SLC26A11: variants seen among roughly 807,000 people sequenced by gnomAD.
The protein encoded by SLC26A11 is sodium-independent sulfate anion transporter.
SLC26A11 carries 58 observed loss-of-function variants against 62.2 expected under a neutral mutation model. The ratio of observed to expected loss-of-function variants is 0.93; its 90% CI spans 0.76 to 1.16. SLC26A11 has a LOEUF of 1.16. Among genes scored for constraint, SLC26A11 ranks in the 50% most tolerant of loss-of-function variants. The probability of loss-of-function intolerance (pLI) is 0.00; values close to 1 mark genes in which losing one functional copy is unlikely to be tolerated. For missense variants in SLC26A11, 790 were observed against 794.3 expected (o/e 0.99, Z 0.06); for synonymous variants, 411 against 368.9 (o/e 1.11, Z -1.31).
intron 7 of SLC26A11, among the ~76,000 whole-genome samples, chr17:80,234,115 C>T (rs912388573): frequency 3.9e-5 from 6 of 152,162 alleles, no homozygotes; most frequent in African/African-American, 1.4e-4. Flanking sequence ...AGTGATTCTC[C>T]TGTCTCAGCC....
Position 80,237,595 on chromosome 17 carries a change from G to A in SLC26A11, c.985+1G>A. On this transcript the variant is annotated splice_donor_variant, in intron 9 of 17. Coordinates refer to ENST00000361193, the MANE Select transcript of SLC26A11 (RefSeq NM_001166347.2). LOFTEE classifies it high-confidence loss of function. ...AGCATTGCGGTGGCCAAAGCCTTCG[G>A]TAAGACGCCTGTCACCCACACCCCA... is the stretch of plus-strand genomic sequence containing the variant. The A allele has an allele frequency of 6.2e-7, 1 of 1,610,420 alleles. No homozygotes were observed. The highest frequency in any genetic ancestry group is 8.5e-7 in the Non-Finnish European group (1 of 1,178,558).
chr17:80,249,339 C>T (rs753681488), intron 16 of SLC26A11, 52 bp downstream of exon 16: 2 of 1,594,176 alleles, frequency 1.3e-6, no homozygotes, highest in Non-Finnish European at 8.5e-7. Context: ...GAAGGCCTTC[C>T]TGTGCCTGCC....
At position 80,228,199 on chromosome 17, in the gene SLC26A11, A is replaced by G. The variant is rs138918180; in HGVS notation, c.736+239A>G. ...CCAGGCTGGAGTACAGTGGTGTGAT[A>G]TTGGCTCACTGCAACCTCCGCCTCC... On this transcript the variant is annotated intron_variant, in intron 7 of 17. Transcript: ENST00000361193. This position sits in a 1 kb window ranked among gnomAD's most constrained non-coding sequence, Gnocchi z 4.1. Among the ~76,000 whole-genome samples, 71 of 152,146 alleles carry G rather than the reference A, an allele frequency of 4.7e-4. 1 individual carries two copies. In the South Asian group the frequency reaches 0.014, roughly 30 times the overall value.
rs552705781 is a variant in SLC26A11, at chr17:80,228,601, G to A, written c.736+641G>A. The stretch of plus-strand genomic sequence containing the variant: ...ACATTTTTGGTGGATACCACCGGGC[G>A]AGGCAGTTGCTGGCAACTAGCGAGG... On this transcript the variant is annotated intron_variant, in intron 7 of 17. Transcript: ENST00000361193. This position sits in a 1 kb window ranked among gnomAD's most constrained non-coding sequence, Gnocchi z 4.1. Among the ~76,000 whole-genome samples the A allele has an allele frequency of 1.4e-4, 21 of 152,358 alleles. No individual in the cohort carries two copies. The highest frequency in any genetic ancestry group is 3.4e-3 in the Middle Eastern group (1 of 294).
At chr17:80,224,315 G>T (rs1044297502) in intron 5 of SLC26A11, among the ~76,000 whole-genome samples, 2 of 107,370 alleles carry the variant, frequency 1.9e-5, no homozygotes, top group Non-Finnish European at 3.7e-5. Flanking sequence ...GTGTGAGAGA[G>T]TGTGAGTGTG....
chr17:80,246,622 A>T lies in SLC26A11; in HGVS notation c.1267A>T (p.Ile423Phe). 1 of 1,613,904 alleles carries T rather than the reference A, an allele frequency of 6.2e-7. No homozygotes were observed. The highest frequency in any genetic ancestry group is 8.5e-7 in the Non-Finnish European group (1 of 1,179,972). ...MAVAPLFDTK[I>F]FRTLWRVKRL... ...CGTGGCCCCGCTGTTCGACACCAAG[A>T]TCTTCAGGACGCTCTGGCGTGTTAA... The change falls in exon 13 of 18, where the codon ATC becomes TTC. Residue 423 changes from isoleucine (I) to phenylalanine (F), a missense_variant. Ile to Phe is a conservative substitution (Grantham distance 21). Coordinates refer to ENST00000361193, the MANE Select transcript of SLC26A11 (RefSeq NM_001166347.2). This position sits in a 1 kb window ranked among gnomAD's most constrained non-coding sequence, Gnocchi z 4.4.
At chr17:80,239,665 C>G (rs544250812) in intron 9 of SLC26A11, among the ~76,000 whole-genome samples, 1 of 152,238 alleles carries the variant, frequency 6.6e-6, no homozygotes, top group South Asian at 2.1e-4. Context: ...GCGTGAGCCA[C>G]TGTGCCCGGC....
rs1337253421 is a variant in SLC26A11, at chr17:80,228,044, T to A, written c.736+84T>A. On this transcript the variant is annotated intron_variant, in intron 7 of 17. Transcript: ENST00000361193. This position sits in a 1 kb window ranked among gnomAD's most constrained non-coding sequence, Gnocchi z 4.1. Reference sequence around the variant, plus strand: ...GGAGTCCTAGTCCCACCCTAGGGATTCTCACGTCATTGGTCTGGGTGTCAC... The same window carrying A: ...GGAGTCCTAGTCCCACCCTAGGGATACTCACGTCATTGGTCTGGGTGTCAC... The A allele has an allele frequency of 6.3e-6, 8 of 1,279,588 alleles. No individual in the cohort carries two copies. The East Asian group carries it at 1.3e-4, about 20-fold the overall frequency. 79.3% of individuals were successfully genotyped at this position (1,279,588 alleles called of 1,614,324 possible).
At position 80,248,274 on chromosome 17, in the gene SLC26A11, T is replaced by G. The variant is rs2043062552; in HGVS notation, c.1422+17T>G. 1 of 1,602,602 alleles carries G rather than the reference T, an allele frequency of 6.2e-7. No homozygotes were observed. The highest frequency in any genetic ancestry group is 1.3e-5 in the African/African-American group (1 of 74,814). On this transcript the variant is annotated intron_variant, in intron 14 of 17. Coordinates refer to ENST00000361193, the MANE Select transcript of SLC26A11 (RefSeq NM_001166347.2). ...GAGACCAAGGTACCCCTCCGTGGCC[T>G]CTGAGTGGGGAGTGTGCTGGGGGCA...
At position 80,223,426 on chromosome 17, in the gene SLC26A11, T is replaced by A. The variant is rs2042280225; in HGVS notation, c.513+89T>A. 2.4e-6 allele frequency: 3 copies of A among 1,251,640 alleles called. No individual in the cohort carries two copies. The highest frequency in any genetic ancestry group is 3.5e-6 in the Non-Finnish European group (3 of 868,476). 77.5% of individuals were successfully genotyped at this position (1,251,640 alleles called of 1,614,324 possible). On this transcript the variant is annotated intron_variant, in intron 5 of 17. Coordinates refer to ENST00000361193, the MANE Select transcript of SLC26A11 (RefSeq NM_001166347.2). The surrounding 1 kb of genome is among the most constrained non-coding windows in gnomAD (Gnocchi z 4.6). ...GGAGCAGGACTGAGGCCAGTCCTGATCCCTGTGGCCAGTGGACGTCTTGCT... is the reference window on the plus strand; with the variant it reads ...GGAGCAGGACTGAGGCCAGTCCTGAACCCTGTGGCCAGTGGACGTCTTGCT...
chr17:80,246,737 C>G lies in SLC26A11; in HGVS notation c.1294+88C>G, dbSNP rs1344517900. 1.3e-6 allele frequency: 2 copies of G among 1,507,312 alleles called. No homozygotes were observed. The highest frequency in any genetic ancestry group is 1.8e-6 in the Non-Finnish European group (2 of 1,121,198). The allele number at this position is 1,507,312 out of a possible 1,614,324, so 93.4% of individuals were successfully genotyped here. A position where few individuals can be genotyped will look rare whatever the true frequency, so the allele number is the denominator to read the frequency against. On this transcript the variant is annotated intron_variant, in intron 13 of 17. Coordinates refer to ENST00000361193, the MANE Select transcript of SLC26A11 (RefSeq NM_001166347.2). This position sits in a 1 kb window ranked among gnomAD's most constrained non-coding sequence, Gnocchi z 4.4. ...TTATGCTACCCCATTTTCCTGCAGC[C>G]CCCTCTGTGGGGCTGGGACTGGGAA...
chr17:80,249,933 G>A (rs1234902921), intron 16 of SLC26A11, among the ~76,000 whole-genome samples: 2 of 152,106 alleles, frequency 1.3e-5, no homozygotes, highest in East Asian at 3.9e-4. Context: ...AAAAACAGGT[G>A]CTCATAGAAT....
intron 9 of SLC26A11, 137 bp from the exon 10 acceptor site, chr17:80,241,634 T>C: frequency 1.2e-6 from 1 of 862,828 alleles, no homozygotes; most frequent in Non-Finnish European, 1.9e-6. Context: ...TATATGTGAA[T>C]ATTTTAGATG....
intron 7 of SLC26A11, among the ~76,000 whole-genome samples, chr17:80,231,297 G>A (rs778581910): frequency 6.6e-6 from 1 of 151,500 alleles, no homozygotes; most frequent in Non-Finnish European, 1.5e-5. Context: ...CAAGTAGCTG[G>A]GATTACAGGC....
chr17:80,228,031 C>A lies in SLC26A11; in HGVS notation c.736+71C>A. 7.0e-7 allele frequency: 1 copy of A among 1,422,864 alleles called. No homozygotes were observed. The highest frequency in any genetic ancestry group is 1.2e-5 in the South Asian group (1 of 81,646). The allele number at this position is 1,422,864 out of a possible 1,614,324, so 88.1% of individuals were successfully genotyped here. A position where few individuals can be genotyped will look rare whatever the true frequency, so the allele number is the denominator to read the frequency against. On this transcript the variant is annotated intron_variant, in intron 7 of 17. Coordinates refer to ENST00000361193, the MANE Select transcript of SLC26A11 (RefSeq NM_001166347.2). The surrounding 1 kb of genome is among the most constrained non-coding windows in gnomAD (Gnocchi z 4.1). The stretch of plus-strand genomic sequence containing the variant: ...TGGGGTCACTTGGGGAGTCCTAGTC[C>A]CACCCTAGGGATTCTCACGTCATTG...
chr17:80,251,375 A>C lies in SLC26A11; in HGVS notation c.1703A>C (p.Gln568Pro). The C allele has an allele frequency of 6.2e-7, 1 of 1,614,142 alleles. No individual in the cohort carries two copies. Among genetic ancestry groups the C allele is most frequent in the Non-Finnish European group, 8.5e-7 (1 of 1,180,008 alleles). ...CTGTCCGCTGACCTGAAGGGGTTCC[A>C]GTACTTCTCTACCCTGGAAGAAGCA... ...VLLSADLKGF[Q>P]YFSTLEEAEK... The change falls in exon 17 of 18, where the codon CAG becomes CCG. Residue 568 changes from glutamine (Q) to proline (P), a missense_variant. Physicochemically the swap from Gln to Pro is moderately conservative, Grantham distance 76 (BLOSUM62 -1). Coordinates refer to ENST00000361193, the MANE Select transcript of SLC26A11 (RefSeq NM_001166347.2).
In SLC26A11 at chr17:80,222,647, C is replaced by T. The variant is rs1359329650; in HGVS notation, c.235-8C>T. The T allele has an allele frequency of 6.2e-6, 10 of 1,612,684 alleles. No homozygotes were observed. The highest frequency in any genetic ancestry group is 8.5e-6 in the Non-Finnish European group (10 of 1,179,178). Reference sequence around the variant, plus strand: ...CTCCTGAGTGCTCACCACCCTCTCTCCCCACAGTATGGCCTCTACTCTGCC... The same window carrying T: ...CTCCTGAGTGCTCACCACCCTCTCTTCCCACAGTATGGCCTCTACTCTGCC... On this transcript the variant is annotated splice_polypyrimidine_tract_variant and splice_region_variant and intron_variant, in intron 3 of 17. Coordinates refer to ENST00000361193, the MANE Select transcript of SLC26A11 (RefSeq NM_001166347.2). The surrounding 1 kb of genome is among the most constrained non-coding windows in gnomAD (Gnocchi z 4.7).
chr17:80,224,167 G>A (rs1434276484), intron 5 of SLC26A11, among the ~76,000 whole-genome samples: 1 of 96,636 alleles, frequency 1.0e-5, no homozygotes, highest in East Asian at 2.1e-4. Context: ...CCAAGGACAG[G>A]AGAGTGTGTG....
chr17:80,227,041 A>C (rs918478400), intron 6 of SLC26A11, among the ~76,000 whole-genome samples: 1 of 152,144 alleles, frequency 6.6e-6, no homozygotes, highest in African/African-American at 2.4e-5. Context: ...CCAGTCAGAG[A>C]GCGTCACGGG....
Sources: gnomAD v4.1 joint callset for allele counts (sites outside exome capture counted in the v4.1 genomes callset) on GRCh38, gnomAD v4.1.1 for gene constraint, Gnocchi (gnomAD v3.1) non-coding constraint, MANE v1.5 for transcripts, NCBI Gene and HGNC (gene_info 2026-07-23, HGNC 2026-07-21) for gene names.